KLHL26: variants seen among roughly 807,000 people sequenced by gnomAD.
The protein encoded by KLHL26 is kelch-like protein 26.
In KLHL26, 4 loss-of-function variants were observed where a neutral mutation model predicts 7.1. The ratio of observed to expected loss-of-function variants is 0.56; its 90% confidence interval spans 0.28 to 1.28. The LOEUF (loss-of-function observed/expected upper bound fraction) is 1.28. Ranked by LOEUF, KLHL26 falls within the 50% of genes most tolerant of loss-of-function variation. KLHL26 has a pLI of 0.11. For synonymous variants in KLHL26, 465 were observed against 414.1 expected (o/e 1.12, Z -1.49); for missense variants, 896 against 924.6 (o/e 0.97, Z 0.40).
At chr19:18,643,059 C>T (rs537241294) in intron 1 of KLHL26, among the ~76,000 whole-genome samples, 4 of 150,822 alleles carry the variant, frequency 2.7e-5, no homozygotes, top group African/African-American at 7.3e-5. Context: ...GTCTTGATCT[C>T]CTGACCTCGT....
intron 1 of KLHL26, among the ~76,000 whole-genome samples, chr19:18,641,435 C>T (rs1464614775): frequency 6.6e-6 from 1 of 150,454 alleles, no homozygotes; most frequent in Non-Finnish European, 1.5e-5. Context: ...TTTCATGTCT[C>T]AGCCTCCCGA....
At position 18,664,360 on chromosome 19, in the gene KLHL26, G is replaced by A. The variant is rs777139121; in HGVS notation, c.183G>A (p.Gln61=). 3 of 1,609,666 alleles carry A rather than the reference G, an allele frequency of 1.9e-6. No homozygotes were observed. Among genetic ancestry groups the A allele is most frequent in the African/African-American group, 1.3e-5 (1 of 74,936 alleles). The change falls in exon 2 of 3, where the codon CAG becomes CAA. Residue 61 remains glutamine (Q), a synonymous_variant. Transcript: ENST00000300976. ...TGGCCACCCTCCGCGCTCAGGGCCA[G>A]CTCCTCGATGTTGTGCTGACTATTA... ...QGLATLRAQG[Q]LLDVVLTINR...
At position 18,668,262 on chromosome 19, in the gene KLHL26, GTGC is replaced by G. The variant is rs2052476991; in HGVS notation, c.869_871del (p.Leu290del). On this transcript the variant is annotated inframe_deletion, in exon 3 of 3. Coordinates refer to ENST00000300976, the MANE Select transcript of KLHL26 (RefSeq NM_018316.3). Reference sequence around the variant, plus strand: ...TCTGCTGGAGGCCTTCAACTACCAGGTGCTGCCCTTCCGGCAGCACGAGATGCA... The same window carrying G: ...TCTGCTGGAGGCCTTCAACTACCAGGTGCCCTTCCGGCAGCACGAGATGCA... 1 of 1,612,002 alleles carries G rather than the reference GTGC, an allele frequency of 6.2e-7. No homozygotes were observed. The highest frequency in any genetic ancestry group is 1.7e-5 in the Admixed American group (1 of 60,014).
chr19:18,650,775 C>A lies in KLHL26; in HGVS notation c.84-13486C>A, dbSNP rs1467261483. On this transcript the variant is annotated intron_variant, in intron 1 of 2. Transcript: ENST00000300976. This position sits in a 1 kb window ranked among gnomAD's most constrained non-coding sequence, Gnocchi z 4.2. The stretch of plus-strand genomic sequence containing the variant: ...GGCGCGGGCAGCTTGCTGACCTTTT[C>A]TGGGAGTCGTGGCGGACGGAGTGGA... Among the ~76,000 whole-genome samples, 1 of 152,206 alleles carries A rather than the reference C, an allele frequency of 6.6e-6. No homozygotes were observed. Among genetic ancestry groups the A allele is most frequent in the Non-Finnish European group, 1.5e-5 (1 of 68,036 alleles).
rs2052505134 is a variant in KLHL26, at chr19:18,669,644, T to C, written c.*399T>C. 1 of 380,428 alleles carries C rather than the reference T, an allele frequency of 2.6e-6. No individual in the cohort carries two copies. The highest frequency in any genetic ancestry group is 4.7e-6 in the Non-Finnish European group (1 of 211,616). 23.6% of individuals were successfully genotyped at this position (380,428 alleles called of 1,614,324 possible). On this transcript the variant is annotated 3_prime_UTR_variant, in exon 3 of 3. Coordinates refer to ENST00000300976, the MANE Select transcript of KLHL26 (RefSeq NM_018316.3). Reference sequence around the variant, plus strand: ...GCATTCAGATGTGAGCTCATCAACATTGAACCCAAAGTCGGTGGTATATGA... The same window carrying C: ...GCATTCAGATGTGAGCTCATCAACACTGAACCCAAAGTCGGTGGTATATGA...
Position 18,657,500 on chromosome 19 carries a change from C to CTGTCTCTGGGTCTCTGTCTCTT in KLHL26, c.84-6752_84-6731dup, listed in dbSNP as rs1339173046. On this transcript the variant is annotated intron_variant, in intron 1 of 2. Coordinates refer to ENST00000300976, the MANE Select transcript of KLHL26 (RefSeq NM_018316.3). ...TCTCTGTCTCCCTGTCTCTGTGTCT[C>CTGTCTCTGGGTCTCTGTCTCTT]TGTCTCTGGGTCTCTGTCTCTTTGT... 2.0e-5 allele frequency among the ~76,000 whole-genome samples: 3 copies of CTGTCTCTGGGTCTCTGTCTCTT among 151,690 alleles called. No individual in the cohort carries two copies. In the East Asian group the frequency reaches 5.9e-4, roughly 30 times the overall value.
chr19:18,642,546 T>C (rs1161408909), intron 1 of KLHL26, among the ~76,000 whole-genome samples: 1 of 151,212 alleles, frequency 6.6e-6, no homozygotes, highest in Non-Finnish European at 1.5e-5. Flanking sequence ...GTATTTTTAG[T>C]AGAGGTGGGG....
chr19:18,637,045 CG>C lies in KLHL26; in HGVS notation c.-4del. 1.1e-5 allele frequency: 15 copies of C among 1,337,566 alleles called. No individual in the cohort carries two copies. Among genetic ancestry groups the C allele is most frequent in the Admixed American group, 7.4e-5 (2 of 26,942 alleles). 82.9% of individuals were successfully genotyped at this position (1,337,566 alleles called of 1,614,324 possible). On this transcript the variant is annotated 5_prime_UTR_variant, in exon 1 of 3. Coordinates refer to ENST00000300976, the MANE Select transcript of KLHL26 (RefSeq NM_018316.3). Reference sequence around the variant, plus strand: ...CTCCCGTCACTCGAACGCGCGACGGCGGGGGGAAGATGGCGGAGTCCGGCGG... The same window carrying C: ...CTCCCGTCACTCGAACGCGCGACGGCGGGGGAAGATGGCGGAGTCCGGCGG...
In KLHL26 at chr19:18,668,768, C is replaced by T; in HGVS notation, c.1371C>T (p.Ala457=). The change falls in exon 3 of 3, where the codon GCC becomes GCT. Residue 457 remains alanine (A), a synonymous_variant. Coordinates refer to ENST00000300976, the MANE Select transcript of KLHL26 (RefSeq NM_018316.3). ...GTACCTGGGGCCATGCTGGGGCCGC[C>T]TCAGGGGGCCGCCTCTACATCTCGG... ...KRRTWGHAGA[A]SGGRLYISGG... is the part of the protein sequence containing the mutation. The T allele has an allele frequency of 1.3e-6, 2 of 1,593,454 alleles. No individual in the cohort carries two copies. Among genetic ancestry groups the T allele is most frequent in the East Asian group, 2.2e-5 (1 of 44,788 alleles).
At chr19:18,642,671 T>TTTTG (rs962827497) in intron 1 of KLHL26, among the ~76,000 whole-genome samples, 12 of 150,168 alleles carry the variant, frequency 8.0e-5, no homozygotes, top group Admixed American at 4.0e-4. Flanking sequence ...GCTTGTGGTT[T>TTTTG]TTTGTTTGTT....
chr19:18,637,359 C>T (rs1462447618), intron 1 of KLHL26, among the ~76,000 whole-genome samples: 1 of 152,028 alleles, frequency 6.6e-6, no homozygotes, highest in East Asian at 1.9e-4. Flanking sequence ...GAGGCGTCTG[C>T]AGGCGGCCCT....
chr19:18,667,631 C>G (rs374030293), intron 2 of KLHL26, 33 bp from the exon 3 acceptor site: 1 of 1,582,738 alleles, frequency 6.3e-7, no homozygotes, highest in African/African-American at 1.3e-5. Flanking sequence ...CCCTCAGCCA[C>G]TGCCAGCCAC....
At chr19:18,659,904 T>C (rs1354739491) in intron 1 of KLHL26, 3 of 152,332 alleles carry the variant, frequency 2.0e-5, no homozygotes, top group East Asian at 3.9e-4. Context: ...GAGCTTCTTG[T>C]GACCTCCCCC....
chr19:18,643,146 T>C (rs1052208273), intron 1 of KLHL26, among the ~76,000 whole-genome samples: 1 of 151,896 alleles, frequency 6.6e-6, no homozygotes, highest in Non-Finnish European at 1.5e-5. Flanking sequence ...CCTGACTAAT[T>C]TTTAAAAATT....
intron 1 of KLHL26, among the ~76,000 whole-genome samples, chr19:18,642,343 G>T (rs1465768003): frequency 6.9e-6 from 1 of 145,222 alleles, no homozygotes; most frequent in African/African-American, 2.6e-5. Flanking sequence ...CACCTAGTGT[G>T]TGTGTGTGTG....
chr19:18,646,961 G>T lies in KLHL26; in HGVS notation c.83+9824G>T, dbSNP rs1976813356. Among the ~76,000 whole-genome samples the T allele has an allele frequency of 6.6e-6, 1 of 151,856 alleles. No homozygotes were observed. Among genetic ancestry groups the T allele is most frequent in the East Asian group, 1.9e-4 (1 of 5,152 alleles). On this transcript the variant is annotated intron_variant, in intron 1 of 2. Coordinates refer to ENST00000300976, the MANE Select transcript of KLHL26 (RefSeq NM_018316.3). The surrounding 1 kb of genome is among the most constrained non-coding windows in gnomAD (Gnocchi z 5.0). ...GGAGCAGGAGCTCGGCAGGGCGGGG[G>T]CAGGGGCGGCGGGGGGTGGCGCGTC...
intron 1 of KLHL26, among the ~76,000 whole-genome samples, chr19:18,660,230 C>G (rs955988941): frequency 2.7e-4 from 41 of 152,292 alleles, no homozygotes; most frequent in African/African-American, 9.6e-4. Flanking sequence ...AGGCCTGGGC[C>G]TGGCTAGGGT....
intron 1 of KLHL26, among the ~76,000 whole-genome samples, chr19:18,654,109 A>C: frequency 9.1e-6 from 1 of 110,198 alleles, no homozygotes; most frequent in Non-Finnish European, 1.8e-5. Context: ...CCTTCCATCC[A>C]CCCACCCATC....
At position 18,650,344 on chromosome 19, in the gene KLHL26, C is replaced by T. The variant is rs949722609; in HGVS notation, c.83+13207C>T. Reference sequence around the variant, plus strand: ...TCCCGGAGCGGGGTGGAAGGAGTGTCAAGGTGACTGTGAGATGACAGACAC... The same window carrying T: ...TCCCGGAGCGGGGTGGAAGGAGTGTTAAGGTGACTGTGAGATGACAGACAC... On this transcript the variant is annotated intron_variant, in intron 1 of 2. Transcript: ENST00000300976. The surrounding 1 kb of genome is among the most constrained non-coding windows in gnomAD (Gnocchi z 4.2). 2.6e-5 allele frequency among the ~76,000 whole-genome samples: 4 copies of T among 152,172 alleles called. No individual in the cohort carries two copies. Among genetic ancestry groups the T allele is most frequent in the African/African-American group, 4.8e-5 (2 of 41,440 alleles).
Sources: allele counts gnomAD v4.1 joint callset (sites outside exome capture counted in the v4.1 genomes callset), GRCh38; gene constraint gnomAD v4.1.1; non-coding constraint Gnocchi (gnomAD v3.1); transcripts MANE v1.5; gene names NCBI Gene and HGNC (gene_info 2026-07-23, HGNC 2026-07-21).